The following RBFOX3 variants were observed in gnomAD, a reference collection of about 807,000 sequenced individuals.
RBFOX3 encodes RNA binding protein fox-1 homolog 3.
A neutral mutation model predicts 48.7 loss-of-function variants in RBFOX3; 17 were observed. The observed-to-expected ratio is 0.35, with a 90% CI of 0.24 to 0.52. RBFOX3 has a LOEUF of 0.52. Ranked by LOEUF, RBFOX3 falls within the 20% of genes least tolerant of loss-of-function variation. RBFOX3 has a pLI of 0.94. For missense variants in RBFOX3, 382 were observed against 497.5 expected, an observed-to-expected ratio of 0.77 and a Z score of 2.21; for synonymous variants, 212 against 209.5, an observed-to-expected ratio of 1.01 and a Z score of -0.10.
chr17:79,496,018 T>C lies in RBFOX3; in HGVS notation c.-319-13420A>G, dbSNP rs568084497. 9.5e-4 allele frequency among the ~76,000 whole-genome samples: 145 copies of C among 151,998 alleles called. No homozygotes were observed. The South Asian group carries it at 0.016, about 16-fold the overall frequency. Reference sequence around the variant, plus strand: ...AGATTAGGATGTTGAACGGCCGACATGTTCTCCGAGACTGGCTGTATGCCA... The same window carrying C: ...AGATTAGGATGTTGAACGGCCGACACGTTCTCCGAGACTGGCTGTATGCCA... On this transcript the variant is annotated intron_variant, in intron 1 of 14. Transcript: ENST00000693108.
intron 4 of RBFOX3, among the ~76,000 whole-genome samples, chr17:79,223,367 C>T (rs1362814845): frequency 6.6e-6 from 1 of 152,208 alleles, no homozygotes; most frequent in East Asian, 1.9e-4. Context: ...ATGCCCTTAT[C>T]CACCCCCCTC....
intron 4 of RBFOX3, among the ~76,000 whole-genome samples, chr17:79,131,252 G>A (rs1052765982): frequency 1.3e-5 from 2 of 152,134 alleles, no homozygotes; most frequent in African/African-American, 4.8e-5. Flanking sequence ...CTGTGCCCAT[G>A]TGTGCTCCGC....
intron 1 of RBFOX3, among the ~76,000 whole-genome samples, chr17:79,489,770 C>A (rs2080221730): frequency 6.6e-6 from 1 of 152,130 alleles, no homozygotes; most frequent in Admixed American, 6.5e-5. Flanking sequence ...CCCTGGGTGC[C>A]AGTGGTTCTA....
chr17:79,623,540 C>T, the RBFOX3 span, among the ~76,000 whole-genome samples: 1 of 152,156 alleles, frequency 6.6e-6, no homozygotes, highest in Non-Finnish European at 1.5e-5. Flanking sequence ...AGACTGGGCG[C>T]AGTGGCTCAG....
chr17:79,618,053 C>T, the RBFOX3 span, among the ~76,000 whole-genome samples: 20 of 152,230 alleles, frequency 1.3e-4, no homozygotes, highest in Non-Finnish European at 2.1e-4. Flanking sequence ...GAACCACTTG[C>T]ACGCCGTCCG....
intron 3 of RBFOX3, among the ~76,000 whole-genome samples, chr17:79,300,429 T>C (rs1222221216): frequency 2.0e-5 from 3 of 152,232 alleles, no homozygotes; most frequent in African/African-American, 7.2e-5. Flanking sequence ...TGTGATCCTA[T>C]TAAATTGCTG....
chr17:79,642,599 G>C, the RBFOX3 span, among the ~76,000 whole-genome samples: 1 of 152,010 alleles, frequency 6.6e-6, no homozygotes, highest in Non-Finnish European at 1.5e-5. Context: ...TATTGTTAAT[G>C]TCATATGGGC....
chr17:79,631,987 A>C, the RBFOX3 span, among the ~76,000 whole-genome samples: 274 of 152,290 alleles, frequency 1.8e-3, 8 homozygotes, highest in East Asian at 0.042. Context: ...GCCTCCTGCC[A>C]GGGCACAGGG....
intron 4 of RBFOX3, among the ~76,000 whole-genome samples, chr17:79,134,248 A>C (rs899820277): frequency 2.8e-4 from 43 of 152,230 alleles, no homozygotes; most frequent in Non-Finnish European, 1.3e-4. Flanking sequence ...AGGAAGGTAA[A>C]TTTCCTGGCA....
chr17:79,572,857 C>G (rs1468693037), intron 1 of RBFOX3, among the ~76,000 whole-genome samples: 1 of 152,144 alleles, frequency 6.6e-6, no homozygotes, highest in African/African-American at 2.4e-5. Flanking sequence ...CCCTGAGGTG[C>G]CTTCCGGATT....
chr17:79,576,273 C>A (rs1438091730), intron 1 of RBFOX3, among the ~76,000 whole-genome samples: 1 of 152,126 alleles, frequency 6.6e-6, no homozygotes, highest in African/African-American at 2.4e-5. Flanking sequence ...TAAAATAAAT[C>A]TCTTGATAGA....
chr17:79,413,370 C>T (rs952984204), intron 2 of RBFOX3, among the ~76,000 whole-genome samples: 1 of 152,246 alleles, frequency 6.6e-6, no homozygotes, highest in Non-Finnish European at 1.5e-5. Flanking sequence ...CCTGGCTCTC[C>T]TTCCAGAACC....
chr17:79,582,530 C>T lies in RBFOX3; in HGVS notation c.-320+28296G>A, dbSNP rs1045222284. Reference sequence around the variant, plus strand: ...TTCAAGATGCAATTCCAACCGGGTGCGGTGGCTCACACCTGTAATCCCAGC... The same window carrying T: ...TTCAAGATGCAATTCCAACCGGGTGTGGTGGCTCACACCTGTAATCCCAGC... On this transcript the variant is annotated intron_variant, in intron 1 of 14. Transcript: ENST00000693108. Among the ~76,000 whole-genome samples the T allele has an allele frequency of 2.8e-3, 423 of 152,186 alleles. 1 individual carries two copies. Among genetic ancestry groups the T allele is most frequent in the African/African-American group, 9.2e-3 (383 of 41,528 alleles).
At chr17:79,176,751 C>T (rs1257418165) in intron 4 of RBFOX3, among the ~76,000 whole-genome samples, 1 of 144,922 alleles carries the variant, frequency 6.9e-6, no homozygotes, top group Non-Finnish European at 1.5e-5. Context: ...AGGAGAGAAG[C>T]AGAGAAAAAA....
intron 1 of RBFOX3, among the ~76,000 whole-genome samples, chr17:79,488,170 C>T (rs2079939821): frequency 6.6e-6 from 1 of 152,088 alleles, no homozygotes; most frequent in Admixed American, 6.5e-5. Flanking sequence ...GGATTTTTTT[C>T]CGCACATCTC....
intron 2 of RBFOX3, among the ~76,000 whole-genome samples, chr17:79,458,378 C>T (rs1024437837): frequency 6.6e-6 from 1 of 152,224 alleles, no homozygotes; most frequent in Admixed American, 6.5e-5. Flanking sequence ...CACCATGCAA[C>T]CAGGAAACCG....
At chr17:79,232,011 G>A (rs573109012) in intron 4 of RBFOX3, among the ~76,000 whole-genome samples, 2 of 152,280 alleles carry the variant, frequency 1.3e-5, no homozygotes, top group East Asian at 3.9e-4. Flanking sequence ...TTCACAGGGC[G>A]GCAGGAGACA....
At chr17:79,183,351 C>G (rs188555363) in intron 4 of RBFOX3, 2 of 152,420 alleles carry the variant, frequency 1.3e-5, no homozygotes, top group African/African-American at 4.8e-5. Context: ...AGCCCGAGTT[C>G]GCCATGGAGC....
At chr17:79,575,070 G>T (rs1035564696) in intron 1 of RBFOX3, among the ~76,000 whole-genome samples, 123 of 152,324 alleles carry the variant, frequency 8.1e-4, no homozygotes, top group African/African-American at 2.7e-3. Flanking sequence ...CTGCCCTGGG[G>T]TCTACCCCCT....
Sources: gnomAD v4.1 joint callset for allele counts (sites outside exome capture counted in the v4.1 genomes callset) on GRCh38, gnomAD v4.1.1 for gene constraint, MANE v1.5 for transcripts, NCBI Gene and HGNC (gene_info 2026-07-23, HGNC 2026-07-21) for gene names.